Variants in ACACA observed in about 807,000 individuals in gnomAD.
The protein encoded by ACACA is acetyl-CoA carboxylase 1.
Under a neutral mutation model 296.1 loss-of-function variants are expected in ACACA, and 103 were observed. That is an observed-to-expected ratio of 0.35 (90% CI 0.30 to 0.41). ACACA has a LOEUF of 0.41. Ranked by LOEUF, ACACA falls within the 10% of genes least tolerant of loss-of-function variation. The pLI is 1.00. For synonymous variants in ACACA, 953 were observed against 1,038.6 expected (o/e 0.92, Z 1.58); for missense variants, 1,554 against 2,989.7 (o/e 0.52, Z 11.20).
At chr17:37,260,265 TATATATATATATATATATA>T (rs2081396843) in intron 11 of ACACA, among the ~76,000 whole-genome samples, 1 of 19,092 alleles carries the variant, frequency 5.2e-5, no homozygotes, top group African/African-American at 3.1e-4. Flanking sequence ...TATATATATA[TATATATATATATATATATA>T]TATATATATA....
chr17:37,250,884 G>T (rs375950085), intron 16 of ACACA, among the ~76,000 whole-genome samples: 3 of 151,702 alleles, frequency 2.0e-5, no homozygotes. Context: ...AAAATTAGCC[G>T]GGCCTGGTGG....
chr17:37,171,242 A>C (rs1473975836), intron 41 of ACACA, among the ~76,000 whole-genome samples: 3 of 152,176 alleles, frequency 2.0e-5, no homozygotes, highest in Non-Finnish European at 4.4e-5. Context: ...CTACCCTGCA[A>C]GGCCCTTGAG....
At chr17:37,239,483 T>C (rs1356486058) in intron 24 of ACACA, among the ~76,000 whole-genome samples, 2 of 152,238 alleles carry the variant, frequency 1.3e-5, no homozygotes, top group African/African-American at 2.4e-5. Context: ...TTTACCATAA[T>C]GCATGATGTA....
rs149773573 is a variant in ACACA at position 37,220,404 on chromosome 17, G to A, written c.3683+1320C>T. On this transcript the variant is annotated intron_variant, in intron 29 of 55. Transcript: ENST00000616317. ...AAAAAGCAGGAAGAAAAGGAGAACT[G>A]CCCTGAGAATTACAAAGAGCATTAA... is the stretch of plus-strand genomic sequence containing the variant. Among the ~76,000 whole-genome samples the A allele has an allele frequency of 6.5e-3, 989 of 152,294 alleles. 7 individuals are homozygous for A. Among genetic ancestry groups the A allele is most frequent in the Middle Eastern group, 0.051 (15 of 294 alleles).
intron 33 of ACACA, among the ~76,000 whole-genome samples, chr17:37,200,788 C>A (rs2078212050): frequency 6.6e-6 from 1 of 152,154 alleles, no homozygotes; most frequent in African/African-American, 2.4e-5. Context: ...GGCCATGACA[C>A]AATTTCTGCT....
At chr17:37,217,260 C>CAAAAAAA (rs34419580) in intron 29 of ACACA, among the ~76,000 whole-genome samples, 5 of 42,536 alleles carry the variant, frequency 1.2e-4, no homozygotes, top group East Asian at 7.4e-4. Context: ...AACTCTATCT[C>CAAAAAAA]AAAAAAAAAA....
At chr17:37,236,092 T>C (rs1406845947) in intron 24 of ACACA, among the ~76,000 whole-genome samples, 1 of 152,226 alleles carries the variant, frequency 6.6e-6, no homozygotes, top group Non-Finnish European at 1.5e-5. Context: ...GATTCCACGT[T>C]AAGTTACAAA....
chr17:37,209,730 C>T (rs1807838297), intron 30 of ACACA, among the ~76,000 whole-genome samples: 1 of 152,120 alleles, frequency 6.6e-6, no homozygotes, highest in Non-Finnish European at 1.5e-5. Flanking sequence ...AAGACCTTGC[C>T]ATCAACTTAC....
At chr17:37,142,921 G>A (rs764371858) in intron 45 of ACACA, among the ~76,000 whole-genome samples, 1 of 152,212 alleles carries the variant, frequency 6.6e-6, no homozygotes, top group Non-Finnish European at 1.5e-5. Context: ...AGAATAATGT[G>A]TTCGTATTTC....
chr17:37,118,550 G>A (rs1385740714), intron 50 of ACACA, among the ~76,000 whole-genome samples: 3 of 152,194 alleles, frequency 2.0e-5, no homozygotes, highest in Non-Finnish European at 4.4e-5. Context: ...TTGACATTCT[G>A]TTATAGGGAT....
chr17:37,288,080 G>A (rs1198313213), intron 3 of ACACA, among the ~76,000 whole-genome samples: 2 of 152,070 alleles, frequency 1.3e-5, no homozygotes, highest in African/African-American at 4.8e-5. Flanking sequence ...CAGAAAACCA[G>A]GTTTCATGGT....
At chr17:37,226,229 A>G (rs1408894943) in intron 26 of ACACA, 110 bp downstream of exon 26, 3 of 880,864 alleles carry the variant, frequency 3.4e-6, no homozygotes, top group East Asian at 2.4e-5. Flanking sequence ...ACACATATAT[A>G]GAAAATAACA....
chr17:37,345,843 A>G (rs1397042525), intron 1 of ACACA, among the ~76,000 whole-genome samples: 3 of 152,238 alleles, frequency 2.0e-5, no homozygotes, highest in African/African-American at 7.2e-5. Flanking sequence ...AGGGGAGATT[A>G]ATGAGACATG....
In ACACA at chr17:37,183,353, A is replaced by G. The variant is rs182419001; in HGVS notation, c.4777-1997T>C. ...CAGTTTGTCAATATCTTATAAAGTTAAGCATATGCTTACTGTGTCCCAGCA... is the reference window on the plus strand; with the variant it reads ...CAGTTTGTCAATATCTTATAAAGTTGAGCATATGCTTACTGTGTCCCAGCA... On this transcript the variant is annotated intron_variant, in intron 39 of 55. Transcript: ENST00000616317. 3.3e-5 allele frequency among the ~76,000 whole-genome samples: 5 copies of G among 152,346 alleles called. No homozygotes were observed. The East Asian group carries it at 9.6e-4, about 29-fold the overall frequency.
intron 1 of ACACA, among the ~76,000 whole-genome samples, chr17:37,394,813 C>T (rs1195632942): frequency 2.0e-5 from 3 of 151,024 alleles, no homozygotes; most frequent in Non-Finnish European, 4.4e-5. Flanking sequence ...GGCGTGAACC[C>T]GGGAGGCGGA....
In ACACA at chr17:37,121,467, A is replaced by C. The variant is rs773878205; in HGVS notation, c.6162T>G (p.Val2054=). 2 of 1,614,092 alleles carry C rather than the reference A, an allele frequency of 1.2e-6. No homozygotes were observed. Among genetic ancestry groups the C allele is most frequent in the African/African-American group, 2.7e-5 (2 of 74,936 alleles). Residue 2054 remains valine (V), a synonymous_variant, in exon 50 of 56, where the codon GTT becomes GTG. Coordinates refer to ENST00000616317, the MANE Select transcript of ACACA (RefSeq NM_198834.3). ...TCTTAAACGCAGAATCTGGGAACCA[A>C]ACCTGGCCAGCCTGCTGGATTATCT... The part of the protein sequence containing the change: ...EAKIIQQAGQ[V]WFPDSAFKTY...
Position 37,137,822 on chromosome 17 carries a change from T to C in ACACA, c.5680-7604A>G, listed in dbSNP as rs180991922. ...TCATATTATGTTAGGAATGCTCTTC[T>C]GAGCTGCATAAACCTGCTTTATCTA... On this transcript the variant is annotated intron_variant, in intron 45 of 55. Coordinates refer to ENST00000616317, the MANE Select transcript of ACACA (RefSeq NM_198834.3). Among the ~76,000 whole-genome samples, 9 of 152,352 alleles carry C rather than the reference T, an allele frequency of 5.9e-5. No individual in the cohort carries two copies. The East Asian group carries it at 1.2e-3, about 20-fold the overall frequency.
intron 30 of ACACA, among the ~76,000 whole-genome samples, chr17:37,208,047 C>G (rs745688616): frequency 6.6e-6 from 1 of 152,110 alleles, no homozygotes; most frequent in African/African-American, 2.4e-5. Context: ...AAGCTAAGAA[C>G]TGTTAGGAAT....
rs141133169 is a variant in ACACA, at chr17:37,255,878, C to T, written c.1826+1825G>A. ...TCTCCTGCCTCAGCTTCCCGAGTAG[C>T]TGGGATTACAGGCAGTTGCCACCAC... On this transcript the variant is annotated intron_variant, in intron 14 of 55. Transcript: ENST00000616317. Among the ~76,000 whole-genome samples, 428 of 152,174 alleles carry T rather than the reference C, an allele frequency of 2.8e-3. 1 individual carries two copies. The highest frequency in any genetic ancestry group is 0.01 in the Middle Eastern group (3 of 294).
Sources: allele counts gnomAD v4.1 joint callset (sites outside exome capture counted in the v4.1 genomes callset), GRCh38; gene constraint gnomAD v4.1.1; transcripts MANE v1.5; gene names NCBI Gene and HGNC (gene_info 2026-07-23, HGNC 2026-07-21).